The following FOXO1 variants were observed in gnomAD, a reference collection of about 807,000 sequenced individuals.
The protein encoded by FOXO1 is forkhead box protein O1.
In FOXO1, 6 loss-of-function variants were observed where a neutral mutation model predicts 44.1. That is an observed-to-expected ratio of 0.14 (90% confidence interval 0.07 to 0.27). FOXO1 has a LOEUF of 0.27. FOXO1 is among the 10% of genes least tolerant of loss of function. The probability of loss-of-function intolerance (pLI) is 1.00; values close to 1 mark genes in which losing one functional copy is unlikely to be tolerated. For synonymous variants in FOXO1, 380 were observed against 362.7 expected (o/e 1.05, Z -0.54); for missense variants, 737 against 888.8 (o/e 0.83, Z 2.17).
rs1255586671 is a variant in FOXO1, at chr13:40,560,213, A to G, written c.1278T>C (p.Tyr426=). ...SPSPNYQKYT[Y]GQSSMSPLPQ... is the part of the protein sequence containing the mutation. ...GCAAAGGGCTCATGCTGGATTGGCC[A>G]TATGTATATTTTTGGTAGTTTGGGC... The change falls in exon 2 of 3, where the codon TAT becomes TAC. Residue 426 remains tyrosine (Y), a synonymous_variant. Transcript: ENST00000379561. This position sits in a 1 kb window ranked among gnomAD's most constrained non-coding sequence, Gnocchi z 5.1. 3.7e-6 allele frequency: 6 copies of G among 1,614,054 alleles called. No individual in the cohort carries two copies. Among genetic ancestry groups the G allele is most frequent in the African/African-American group, 2.7e-5 (2 of 74,922 alleles).
intron 1 of FOXO1, among the ~76,000 whole-genome samples, chr13:40,572,943 G>A (rs1001806967): frequency 1.3e-5 from 2 of 152,204 alleles, no homozygotes; most frequent in Non-Finnish European, 2.9e-5. Context: ...AAGCCCAGGC[G>A]TGTTTGGGGA....
At chr13:40,579,979 G>A (rs1271250913) in intron 1 of FOXO1, among the ~76,000 whole-genome samples, 5 of 152,182 alleles carry the variant, frequency 3.3e-5, no homozygotes, top group Non-Finnish European at 5.9e-5. Context: ...GCTCTGTATG[G>A]TCAATTACTT....
intron 1 of FOXO1, among the ~76,000 whole-genome samples, chr13:40,588,515 A>C (rs1875255564): frequency 6.6e-6 from 1 of 152,230 alleles, no homozygotes; most frequent in Non-Finnish European, 1.5e-5. Context: ...AATTATATTT[A>C]AGTTTTCACC....
At chr13:40,600,698 T>A (rs1230852796) in intron 1 of FOXO1, among the ~76,000 whole-genome samples, 1 of 152,220 alleles carries the variant, frequency 6.6e-6, no homozygotes. Flanking sequence ...AGTTCAGTAC[T>A]CTGAAAGAGT....
chr13:40,567,938 A>G (rs537474324), intron 1 of FOXO1, among the ~76,000 whole-genome samples: 12 of 152,090 alleles, frequency 7.9e-5, no homozygotes, highest in Admixed American at 4.6e-4. Flanking sequence ...ACTGCACTCT[A>G]GACTGGGCAA....
At chr13:40,583,457 G>A (rs1406248832) in intron 1 of FOXO1, among the ~76,000 whole-genome samples, 2 of 152,168 alleles carry the variant, frequency 1.3e-5, no homozygotes, top group Non-Finnish European at 2.9e-5. Flanking sequence ...TCTTCCAATA[G>A]AATGCCACTT....
chr13:40,663,212 TA>T (rs979631128), intron 1 of FOXO1, among the ~76,000 whole-genome samples: 17 of 151,388 alleles, frequency 1.1e-4, no homozygotes, highest in African/African-American at 4.1e-4. Context: ...CAAATAAATT[TA>T]AAAAAAAACT....
At chr13:40,648,617 G>A (rs1235133038) in intron 1 of FOXO1, among the ~76,000 whole-genome samples, 2 of 151,870 alleles carry the variant, frequency 1.3e-5, no homozygotes, top group African/African-American at 2.4e-5. Context: ...TTCCTCTGCC[G>A]AAGGAGCCAA....
intron 1 of FOXO1, among the ~76,000 whole-genome samples, chr13:40,638,991 C>T (rs1469920868): frequency 3.9e-5 from 6 of 152,078 alleles, no homozygotes; most frequent in East Asian, 1.9e-4. Flanking sequence ...GTCAGGAGTT[C>T]GAGACCAGCC....
At chr13:40,563,117 C>A (rs946007834) in intron 1 of FOXO1, among the ~76,000 whole-genome samples, 2 of 152,244 alleles carry the variant, frequency 1.3e-5, no homozygotes, top group African/African-American at 4.8e-5. Flanking sequence ...CCCCTCTTCT[C>A]AACCACAAAA....
intron 1 of FOXO1, among the ~76,000 whole-genome samples, chr13:40,644,203 T>C (rs1682964877): frequency 6.6e-6 from 1 of 152,182 alleles, no homozygotes; most frequent in African/African-American, 2.4e-5. Flanking sequence ...TTGCAGACAC[T>C]AGCACTGGAT....
At chr13:40,595,289 G>T (rs1262667760) in intron 1 of FOXO1, among the ~76,000 whole-genome samples, 1 of 152,152 alleles carries the variant, frequency 6.6e-6, no homozygotes, top group Non-Finnish European at 1.5e-5. Flanking sequence ...CATTCTATAA[G>T]CCTAACCAGT....
chr13:40,585,339 G>A (rs1465080846), intron 1 of FOXO1, among the ~76,000 whole-genome samples: 2 of 103,496 alleles, frequency 1.9e-5, no homozygotes, highest in Admixed American at 2.0e-4. Flanking sequence ...TCCTCTGCGC[G>A]CGCGCACACA....
chr13:40,558,916 TTTTTTTTTTTG>T lies in FOXO1; in HGVS notation c.*122_*132del. 1 of 310,300 alleles carries T rather than the reference TTTTTTTTTTTG, an allele frequency of 3.2e-6. No individual in the cohort carries two copies. Among genetic ancestry groups the T allele is most frequent in the Middle Eastern group, 7.7e-4 (1 of 1,298 alleles). 19.2% of individuals were successfully genotyped at this position (310,300 alleles called of 1,614,324 possible). ...GTCTGACGAAAGGAAAAAAGGAGGGTTTTTTTTTTTGTTTTTTTTTTTAACCAAGAAAACTA... is the reference window on the plus strand; with the variant it reads ...GTCTGACGAAAGGAAAAAAGGAGGGTTTTTTTTTTTTAACCAAGAAAACTA... On this transcript the variant is annotated 3_prime_UTR_variant, in exon 3 of 3. Transcript: ENST00000379561.
rs1878223895 is a variant in FOXO1, at chr13:40,665,892, G to A, written c.321C>T (p.Cys107=). 4 of 1,159,498 alleles carry A rather than the reference G, an allele frequency of 3.4e-6. No homozygotes were observed. Among genetic ancestry groups the A allele is most frequent in the Admixed American group, 9.5e-5 (2 of 21,020 alleles). The allele number at this position is 1,159,498 out of a possible 1,614,324, so 71.8% of individuals were successfully genotyped here. A position where few individuals can be genotyped will look rare whatever the true frequency, so the allele number is the denominator to read the frequency against. The change falls in exon 1 of 3, where the codon TGC becomes TGT. Residue 107 remains cysteine (C), a synonymous_variant. Coordinates refer to ENST00000379561, the MANE Select transcript of FOXO1 (RefSeq NM_002015.4). ...AAAAAATGGL[C]GDFQGPEAGC... Reference sequence around the variant, plus strand: ...CCGCCTCCGGGCCCTGGAAGTCCCCGCACAGCCCCCCGGTGGCGGCCGCGG... The same window carrying A: ...CCGCCTCCGGGCCCTGGAAGTCCCCACACAGCCCCCCGGTGGCGGCCGCGG...
chr13:40,584,953 A>G (rs909079323), intron 1 of FOXO1, among the ~76,000 whole-genome samples: 1 of 152,210 alleles, frequency 6.6e-6, no homozygotes, highest in African/African-American at 2.4e-5. Context: ...CAGTTCTACT[A>G]TTCTAAGAAA....
chr13:40,611,335 T>C (rs977834033), intron 1 of FOXO1, among the ~76,000 whole-genome samples: 1 of 152,082 alleles, frequency 6.6e-6, no homozygotes, highest in Admixed American at 6.5e-5. Context: ...AACAAACAAA[T>C]AAACAAACTT....
Position 40,666,254 on chromosome 13 carries a change from G to T in FOXO1, c.-42C>A. ...CCCCCAGCCGCAGGAGAGCCAAGAGGGGGAGAACGCAGCACTGGGGGCGGA... is the reference window on the plus strand; with the variant it reads ...CCCCCAGCCGCAGGAGAGCCAAGAGTGGGAGAACGCAGCACTGGGGGCGGA... On this transcript the variant is annotated 5_prime_UTR_variant, in exon 1 of 3. Transcript: ENST00000379561. The T allele has an allele frequency of 7.4e-7, 1 of 1,351,088 alleles. No homozygotes were observed. The highest frequency in any genetic ancestry group is 1.5e-5 in the African/African-American group (1 of 65,822). The allele number at this position is 1,351,088 out of a possible 1,614,324, so 83.7% of individuals were successfully genotyped here.
intron 1 of FOXO1, among the ~76,000 whole-genome samples, chr13:40,591,303 G>A (rs754181189): frequency 1.3e-5 from 2 of 152,178 alleles, no homozygotes; most frequent in Non-Finnish European, 2.9e-5. Flanking sequence ...TAGCCGGGTG[G>A]CTCCCACGTT....
Sources: allele counts gnomAD v4.1 joint callset (sites outside exome capture counted in the v4.1 genomes callset), GRCh38; gene constraint gnomAD v4.1.1; non-coding constraint Gnocchi (gnomAD v3.1); transcripts MANE v1.5; gene names NCBI Gene and HGNC (gene_info 2026-07-23, HGNC 2026-07-21).